PDE8B: variants seen among roughly 807,000 people sequenced by gnomAD.
PDE8B encodes phosphodiesterase 8B, also known as high affinity cAMP-specific and IBMX-insensitive 3',5'-cyclic phosphodiesterase 8B.
Under a neutral mutation model 101.3 loss-of-function variants are expected in PDE8B, and 26 were observed. The ratio of observed to expected loss-of-function variants is 0.26; its 90% confidence interval spans 0.19 to 0.36. PDE8B has a LOEUF of 0.36. Ranked by LOEUF, PDE8B falls within the 10% of genes least tolerant of loss-of-function variation. The pLI is 1.00. For missense variants in PDE8B, 810 were observed against 1,163.1 expected (o/e 0.70, Z 4.42); for synonymous variants, 424 against 429.3 (o/e 0.99, Z 0.15).
At chr5:77,378,787 A>C (rs1000428594) in intron 10 of PDE8B, among the ~76,000 whole-genome samples, 5 of 152,204 alleles carry the variant, frequency 3.3e-5, no homozygotes, top group African/African-American at 1.2e-4. Flanking sequence ...ACCCAGACCT[A>C]CTGAGTCAGC....
At chr5:77,126,156 G>A in the PDE8B span, among the ~76,000 whole-genome samples, 7 of 151,962 alleles carry the variant, frequency 4.6e-5, no homozygotes, top group Non-Finnish European at 1.0e-4. Flanking sequence ...TGTGGTGGTG[G>A]GCACCTTTAG....
chr5:77,419,565 T>C (rs1796209399), intron 18 of PDE8B, among the ~76,000 whole-genome samples: 1 of 152,188 alleles, frequency 6.6e-6, no homozygotes, highest in Non-Finnish European at 1.5e-5. Context: ...CACATAAGGG[T>C]CAGCTATCAC....
chr5:77,339,341 G>A (rs1012444519), intron 6 of PDE8B, among the ~76,000 whole-genome samples: 1 of 152,216 alleles, frequency 6.6e-6, no homozygotes, highest in Non-Finnish European at 1.5e-5. Context: ...CCCCAGGAAA[G>A]AAGGTTTGCC....
At position 77,325,664 on chromosome 5, in the gene PDE8B, G is replaced by A. The variant is rs1775914259; in HGVS notation, c.525G>A (p.Lys175=). Residue 175 remains lysine (K), a synonymous_variant, in exon 3 of 22, where the codon AAG becomes AAA. Coordinates refer to ENST00000264917, the MANE Select transcript of PDE8B (RefSeq NM_003719.5). ...CAGCCCTTGAATGCTTTCTTGATAA[G>A]CATCATGAAATTATTGTAATTGATC... ...PESALECFLD[K]HHEIIVIDHR... is the part of the protein sequence containing the mutation. 1.9e-6 allele frequency: 3 copies of A among 1,613,006 alleles called. No individual in the cohort carries two copies. The highest frequency in any genetic ancestry group is 2.5e-6 in the Non-Finnish European group (3 of 1,179,122).
At chr5:77,382,179 C>T (rs1305801826) in intron 10 of PDE8B, among the ~76,000 whole-genome samples, 1 of 152,146 alleles carries the variant, frequency 6.6e-6, no homozygotes, top group Non-Finnish European at 1.5e-5. Context: ...TCAGTACCTA[C>T]ATTCTGTAAT....
intron 1 of PDE8B, among the ~76,000 whole-genome samples, chr5:77,224,082 G>A (rs1751802348): frequency 1.3e-5 from 2 of 152,206 alleles, no homozygotes; most frequent in South Asian, 4.2e-4. Context: ...TGGACACTTG[G>A]GATCTGATGT....
intron 1 of PDE8B, among the ~76,000 whole-genome samples, chr5:77,237,492 A>G (rs1754928718): frequency 6.6e-6 from 1 of 152,142 alleles, no homozygotes; most frequent in Admixed American, 6.5e-5. Flanking sequence ...TATGTCTTCA[A>G]ATTATATAAA....
chr5:77,096,423 T>C, the PDE8B span, among the ~76,000 whole-genome samples: 3 of 152,216 alleles, frequency 2.0e-5, no homozygotes, highest in Admixed American at 2.0e-4. Context: ...GGGTAATTTA[T>C]AATGAACGGG....
chr5:77,266,210 T>C (rs1761680972), intron 1 of PDE8B, among the ~76,000 whole-genome samples: 1 of 152,214 alleles, frequency 6.6e-6, no homozygotes, highest in African/African-American at 2.4e-5. Context: ...TTTGTGGTCA[T>C]TTGTGGATAT....
At chr5:77,223,440 T>G (rs934605068) in intron 1 of PDE8B, among the ~76,000 whole-genome samples, 2 of 140,258 alleles carry the variant, frequency 1.4e-5, no homozygotes, top group African/African-American at 5.4e-5. Flanking sequence ...GTCTGGAATG[T>G]ATTTTACAAT....
At chr5:77,234,246 A>G (rs904140859) in intron 1 of PDE8B, among the ~76,000 whole-genome samples, 1 of 152,114 alleles carries the variant, frequency 6.6e-6, no homozygotes, top group Non-Finnish European at 1.5e-5. Context: ...ATGATTTCCT[A>G]GTATTGACCT....
chr5:77,187,555 A>T, the PDE8B span, among the ~76,000 whole-genome samples: 11 of 152,284 alleles, frequency 7.2e-5, no homozygotes, highest in African/African-American at 2.6e-4. Context: ...GATGGGCAGC[A>T]TTCTTTTCTT....
At chr5:77,404,090 C>T (rs533557266) in intron 11 of PDE8B, among the ~76,000 whole-genome samples, 72 of 152,306 alleles carry the variant, frequency 4.7e-4, no homozygotes, top group African/African-American at 1.5e-3. Flanking sequence ...TGGGTTCAAG[C>T]GAGTCTCCTG....
chr5:77,274,621 G>A (rs1763473461), intron 1 of PDE8B, among the ~76,000 whole-genome samples: 1 of 152,166 alleles, frequency 6.6e-6, no homozygotes, highest in South Asian at 2.1e-4. Context: ...TATAAATTTA[G>A]AAGATTAATG....
intron 7 of PDE8B, among the ~76,000 whole-genome samples, chr5:77,348,710 T>C (rs1780571190): frequency 6.6e-6 from 1 of 152,212 alleles, no homozygotes; most frequent in African/African-American, 2.4e-5. Context: ...AGAGACAGGG[T>C]CTTGCTGTGT....
At chr5:77,332,555 C>T (rs1166016130) in intron 5 of PDE8B, among the ~76,000 whole-genome samples, 4 of 152,002 alleles carry the variant, frequency 2.6e-5, no homozygotes, top group African/African-American at 7.2e-5. Context: ...ATCTGAATCC[C>T]GGCCGGGCAC....
the PDE8B span, among the ~76,000 whole-genome samples, chr5:77,128,736 G>A: frequency 6.6e-6 from 1 of 152,208 alleles, no homozygotes; most frequent in Non-Finnish European, 1.5e-5. Flanking sequence ...TCATTCTGGA[G>A]CATTTACTTT....
At chr5:77,185,173 T>G in the PDE8B span, among the ~76,000 whole-genome samples, 1 of 152,234 alleles carries the variant, frequency 6.6e-6, no homozygotes, top group South Asian at 2.1e-4. Flanking sequence ...TGCTTTTCAG[T>G]GTGTCCAGAA....
intron 10 of PDE8B, among the ~76,000 whole-genome samples, chr5:77,366,064 G>T (rs1439080188): frequency 2.0e-5 from 3 of 151,950 alleles, no homozygotes; most frequent in Non-Finnish European, 4.4e-5. Flanking sequence ...AGGTTTTTGG[G>T]TTTTTTTGTT....
Sources: gnomAD v4.1 joint callset for allele counts (sites outside exome capture counted in the v4.1 genomes callset) on GRCh38, gnomAD v4.1.1 for gene constraint, MANE v1.5 for transcripts, NCBI Gene and HGNC (gene_info 2026-07-23, HGNC 2026-07-21) for gene names.